RBFOX3: variants seen among roughly 807,000 people sequenced by gnomAD.
The protein encoded by RBFOX3 is RNA binding protein fox-1 homolog 3.
RBFOX3 carries 17 observed loss-of-function variants against 48.7 expected under a neutral mutation model. That is an observed-to-expected ratio of 0.35 (90% CI 0.24 to 0.52). The LOEUF (loss-of-function observed/expected upper bound fraction) is 0.52. RBFOX3 is among the 20% of genes least tolerant of loss of function. The pLI, the probability that RBFOX3 is intolerant of heterozygous loss-of-function variation, is 0.94. For synonymous variants in RBFOX3, 212 were observed against 209.5 expected (o/e 1.01, Z -0.10); for missense variants, 382 against 497.5 (o/e 0.77, Z 2.21).
chr17:79,602,070 G>A (rs1246988225), intron 1 of RBFOX3: 10 of 152,234 alleles, frequency 6.6e-5, no homozygotes, highest in Admixed American at 5.9e-4. Context: ...TGTCCTAGAT[G>A]AGATCTGCCG....
chr17:79,544,961 C>T (rs1278814884), intron 1 of RBFOX3, among the ~76,000 whole-genome samples: 2 of 140,566 alleles, frequency 1.4e-5, no homozygotes, highest in Non-Finnish European at 3.0e-5. Flanking sequence ...CACCACCCAC[C>T]ACATCATTAA....
chr17:79,497,480 A>G (rs2149686377), intron 1 of RBFOX3, among the ~76,000 whole-genome samples: 1 of 152,266 alleles, frequency 6.6e-6, no homozygotes, highest in East Asian at 1.9e-4. Context: ...AATGATAAGG[A>G]AAGTGTCTCA....
rs2078528710 is a variant in RBFOX3, at chr17:79,479,891, C to A, written c.-175+2563G>T. Among the ~76,000 whole-genome samples, 2 of 152,210 alleles carry A rather than the reference C, an allele frequency of 1.3e-5. No individual in the cohort carries two copies. The highest frequency in any genetic ancestry group is 4.8e-5 in the African/African-American group (2 of 41,448). On this transcript the variant is annotated intron_variant, in intron 2 of 14. Coordinates refer to ENST00000693108, the MANE Select transcript of RBFOX3 (RefSeq NM_001350451.2). The surrounding 1 kb of genome is among the most constrained non-coding windows in gnomAD (Gnocchi z 5.1). ...CCCCTAGGGACAGAGCTGCACGCAT[C>A]TTCTTGGAACTAGGCGTCTGAGGTT...
In RBFOX3 at chr17:79,106,803, C is replaced by G; in HGVS notation, c.223-15G>C. Reference sequence around the variant, plus strand: ...TCGTCTGTCTGCTGCAGGGAGAGGACTGGGCTGTGGAGGCTGCCTCTGTGT... The same window carrying G: ...TCGTCTGTCTGCTGCAGGGAGAGGAGTGGGCTGTGGAGGCTGCCTCTGTGT... On this transcript the variant is annotated splice_polypyrimidine_tract_variant and intron_variant, in intron 5 of 14. Transcript: ENST00000693108. The G allele has an allele frequency of 6.6e-7, 1 of 1,504,252 alleles. No homozygotes were observed. Among genetic ancestry groups the G allele is most frequent in the Non-Finnish European group, 8.8e-7 (1 of 1,130,474 alleles). The allele number at this position is 1,504,252 out of a possible 1,614,324, so 93.2% of individuals were successfully genotyped here. A position where few individuals can be genotyped will look rare whatever the true frequency, so the allele number is the denominator to read the frequency against.
intron 9 of RBFOX3, among the ~76,000 whole-genome samples, chr17:79,100,806 C>A (rs4790030): frequency 0.069 from 10,529 of 152,266 alleles, 531 homozygotes; most frequent in East Asian, 0.24. Context: ...CACCAGTGGT[C>A]CCCCTGCTTC....
intron 2 of RBFOX3, among the ~76,000 whole-genome samples, chr17:79,344,417 C>T (rs1435390855): frequency 6.6e-6 from 1 of 152,122 alleles, no homozygotes; most frequent in Non-Finnish European, 1.5e-5. Context: ...AAAACAAGGA[C>T]TATGCATCTC....
At chr17:79,213,420 G>T (rs181044982) in intron 4 of RBFOX3, among the ~76,000 whole-genome samples, 3 of 152,176 alleles carry the variant, frequency 2.0e-5, no homozygotes. Context: ...ATATGCACCC[G>T]CAACTGCTAC....
At chr17:79,537,141 C>G (rs2150135923) in intron 1 of RBFOX3, among the ~76,000 whole-genome samples, 1 of 151,332 alleles carries the variant, frequency 6.6e-6, no homozygotes. Context: ...ACCAAAAAAG[C>G]AACACACATT....
At chr17:79,510,127 C>G (rs2083886097) in intron 1 of RBFOX3, among the ~76,000 whole-genome samples, 1 of 152,156 alleles carries the variant, frequency 6.6e-6, no homozygotes, top group Non-Finnish European at 1.5e-5. Context: ...CAGAAGTTGG[C>G]CCTGCAGGTC....
At chr17:79,246,886 G>T (rs1456876692) in intron 3 of RBFOX3, among the ~76,000 whole-genome samples, 3 of 152,166 alleles carry the variant, frequency 2.0e-5, no homozygotes, top group Non-Finnish European at 4.4e-5. Context: ...GAACGGCGGA[G>T]ACAGGAAAAG....
chr17:79,159,339 G>C lies in RBFOX3; in HGVS notation c.-33-43591C>G, dbSNP rs1279764802. Among the ~76,000 whole-genome samples the C allele has an allele frequency of 2.0e-5, 3 of 152,152 alleles. No individual in the cohort carries two copies. In the East Asian group the frequency reaches 5.8e-4, roughly 29 times the overall value. On this transcript the variant is annotated intron_variant, in intron 4 of 14. Coordinates refer to ENST00000693108, the MANE Select transcript of RBFOX3 (RefSeq NM_001350451.2). ...CCTCCTCACAGATTCTATAGCCGGA[G>C]ATGGAGATGGCTCAGGGGCATGCCT... is the stretch of plus-strand genomic sequence containing the variant.
At chr17:79,620,639 GCA>G in the RBFOX3 span, among the ~76,000 whole-genome samples, 92 of 20,068 alleles carry the variant, frequency 4.6e-3, 3 homozygotes, top group South Asian at 0.16. Context: ...ACACGCACAC[GCA>G]CACACACGGA....
At chr17:79,405,708 G>A (rs977068010) in intron 2 of RBFOX3, among the ~76,000 whole-genome samples, 1 of 152,222 alleles carries the variant, frequency 6.6e-6, no homozygotes, top group African/African-American at 2.4e-5. Flanking sequence ...GTGACAGAGT[G>A]AGACTCTATC....
chr17:79,662,545 T>C, the RBFOX3 span, among the ~76,000 whole-genome samples: 1 of 152,214 alleles, frequency 6.6e-6, no homozygotes, highest in Non-Finnish European at 1.5e-5. Context: ...GCCAGTCATA[T>C]ACACCCTCTT....
At chr17:79,411,358 C>A (rs1044989550) in intron 2 of RBFOX3, among the ~76,000 whole-genome samples, 3 of 152,184 alleles carry the variant, frequency 2.0e-5, no homozygotes, top group African/African-American at 7.2e-5. Context: ...TCTGGAATTA[C>A]CTGCAGTTAC....
At position 79,477,481 on chromosome 17, in the gene RBFOX3, G is replaced by A. The variant is rs1219272182; in HGVS notation, c.-175+4973C>T. On this transcript the variant is annotated intron_variant, in intron 2 of 14. Transcript: ENST00000693108. The surrounding 1 kb of genome is among the most constrained non-coding windows in gnomAD (Gnocchi z 4.8). The stretch of plus-strand genomic sequence containing the variant: ...TGAGGCAGGAGAATGGCGTGAACCC[G>A]GGAGGCGGAGTTTGCAGTGAGCTGA... 2.4e-4 allele frequency among the ~76,000 whole-genome samples: 37 copies of A among 151,144 alleles called. No individual in the cohort carries two copies. Among genetic ancestry groups the A allele is most frequent in the South Asian group, 6.3e-4 (3 of 4,762 alleles).
intron 4 of RBFOX3, among the ~76,000 whole-genome samples, chr17:79,231,989 G>A (rs138666471): frequency 5.9e-5 from 9 of 152,256 alleles, no homozygotes; most frequent in East Asian, 3.9e-4. Context: ...CAATCAGGGC[G>A]GAAGACACCT....
Position 79,151,917 on chromosome 17 carries a change from A to T in RBFOX3, c.-33-36169T>A, listed in dbSNP as rs143232000. Among the ~76,000 whole-genome samples, 42 of 15,378 alleles carry T rather than the reference A, an allele frequency of 2.7e-3. 2 individuals carry two copies. The highest frequency in any genetic ancestry group is 3.9e-3 in the Admixed American group (7 of 1,782). 10.1% of individuals were successfully genotyped at this position (15,378 alleles called of 152,430 possible). Reference sequence around the variant, plus strand: ...ACCTGCAGGGGGAGGAGGGGAGGCGAGGATGGGAGGGGACCTACAGAGGGA... The same window carrying T: ...ACCTGCAGGGGGAGGAGGGGAGGCGTGGATGGGAGGGGACCTACAGAGGGA... On this transcript the variant is annotated intron_variant, in intron 4 of 14. Coordinates refer to ENST00000693108, the MANE Select transcript of RBFOX3 (RefSeq NM_001350451.2).
intron 3 of RBFOX3, among the ~76,000 whole-genome samples, chr17:79,283,540 A>G (rs148755809): frequency 0.03 from 4,622 of 152,320 alleles, 114 homozygotes; most frequent in East Asian, 0.069. Context: ...AAGTGCTGGG[A>G]TTACAGGCGT....
Sources: allele counts gnomAD v4.1 joint callset (sites outside exome capture counted in the v4.1 genomes callset), GRCh38; gene constraint gnomAD v4.1.1; non-coding constraint Gnocchi (gnomAD v3.1); transcripts MANE v1.5; gene names NCBI Gene and HGNC (gene_info 2026-07-23, HGNC 2026-07-21).